CNTN4: variants seen among roughly 807,000 people sequenced by gnomAD.
The protein encoded by CNTN4 is contactin 4, also known as contactin-4.
Under a neutral mutation model 122.5 loss-of-function variants are expected in CNTN4, and 77 were observed. The ratio of observed to expected loss-of-function variants is 0.63; its 90% CI spans 0.52 to 0.76. CNTN4 has a LOEUF of 0.76. CNTN4 is among the 30% of genes least tolerant of loss of function. The pLI, the probability that CNTN4 is intolerant of heterozygous loss-of-function variation, is 0.00. For missense variants in CNTN4, 1,256 were observed against 1,259.1 expected (o/e 1.00, Z 0.04); for synonymous variants, 512 against 447.0 (o/e 1.15, Z -1.83).
At chr3:2,269,039 C>G (rs1377557757) in intron 2 of CNTN4, among the ~76,000 whole-genome samples, 2 of 152,140 alleles carry the variant, frequency 1.3e-5, no homozygotes, top group Non-Finnish European at 2.9e-5. Flanking sequence ...GTCGAAATGT[C>G]TGATGCATTA....
intron 23 of CNTN4, among the ~76,000 whole-genome samples, chr3:3,045,678 A>G (rs1224902793): frequency 6.6e-6 from 1 of 152,206 alleles, no homozygotes; most frequent in South Asian, 2.1e-4. Flanking sequence ...AGATATGGGG[A>G]AAAAATAGAG....
chr3:2,227,517 C>T (rs535362530), intron 2 of CNTN4, among the ~76,000 whole-genome samples: 27 of 152,192 alleles, frequency 1.8e-4, no homozygotes, highest in Admixed American at 1.2e-3. Context: ...TTTACTTATT[C>T]GACTAAATTA....
At position 2,781,419 on chromosome 3, in the gene CNTN4, G is replaced by A. The variant is rs11922339; in HGVS notation, c.358+35722G>A. 3.4e-3 allele frequency among the ~76,000 whole-genome samples: 509 copies of A among 150,750 alleles called. 2 individuals carry two copies. The highest frequency in any genetic ancestry group is 0.011 in the African/African-American group (430 of 40,346). ...TAAGCTGTATGCTAAGGATATATGC[G>A]TGAGTGAGCAATGTCAACGAAGAGT... On this transcript the variant is annotated intron_variant, in intron 6 of 24. Transcript: ENST00000418658.
intron 4 of CNTN4, among the ~76,000 whole-genome samples, chr3:2,607,986 A>C (rs1389190113): frequency 2.0e-5 from 3 of 152,166 alleles, no homozygotes; most frequent in Admixed American, 6.5e-5. Flanking sequence ...TCACATCATA[A>C]AATTCTTTTT....
intron 6 of CNTN4, among the ~76,000 whole-genome samples, chr3:2,753,392 T>C (rs539284643): frequency 6.6e-6 from 1 of 152,372 alleles, no homozygotes; most frequent in Non-Finnish European, 1.5e-5. Flanking sequence ...ATAATGTGAA[T>C]ACTCTATGTT....
rs748741129 is a variant in CNTN4 at position 2,827,918 on chromosome 3, A to G, written c.454+8337A>G. The stretch of plus-strand genomic sequence containing the variant: ...CATATTTTTATATGGCAGCTTAAAA[A>G]AAGCAAAATGTGAGATTTTTAAATG... On this transcript the variant is annotated intron_variant, in intron 7 of 24. Coordinates refer to ENST00000418658, the MANE Select transcript of CNTN4 (RefSeq NM_175607.3). 6.6e-5 allele frequency among the ~76,000 whole-genome samples: 10 copies of G among 152,328 alleles called. No homozygotes were observed. The Middle Eastern group carries it at 0.014, about 207-fold the overall frequency.
chr3:2,850,407 A>G (rs1166001346), intron 7 of CNTN4, among the ~76,000 whole-genome samples: 1 of 152,214 alleles, frequency 6.6e-6, no homozygotes, highest in Non-Finnish European at 1.5e-5. Flanking sequence ...TTAAGAAATG[A>G]CAGTAATGAT....
chr3:2,141,700 C>T (rs2035004216), intron 2 of CNTN4, among the ~76,000 whole-genome samples: 2 of 151,962 alleles, frequency 1.3e-5, no homozygotes, highest in Admixed American at 6.6e-5. Flanking sequence ...CATATAGCTC[C>T]CTGAGTGTCA....
At chr3:2,693,198 C>G (rs954532296) in intron 4 of CNTN4, among the ~76,000 whole-genome samples, 12 of 152,066 alleles carry the variant, frequency 7.9e-5, no homozygotes, top group African/African-American at 2.9e-4. Context: ...TTTCTTTGAG[C>G]TAAAATTTAT....
At chr3:2,996,911 C>T (rs773823692) in intron 14 of CNTN4, among the ~76,000 whole-genome samples, 1 of 152,190 alleles carries the variant, frequency 6.6e-6, no homozygotes, top group Non-Finnish European at 1.5e-5. Flanking sequence ...AACTCATCCT[C>T]AGCATTATTA....
At chr3:2,819,650 C>T in intron 7 of CNTN4, 69 bp downstream of exon 7, 1 of 1,166,748 alleles carries the variant, frequency 8.6e-7, no homozygotes, top group Non-Finnish European at 1.3e-6. Context: ...TGTTCTCCCT[C>T]CTGACACCAG....
At position 2,736,217 on chromosome 3, in the gene CNTN4, G is replaced by A. The variant is rs753984004; in HGVS notation, c.58G>A (p.Asp20Asn). The stretch of plus-strand genomic sequence containing the variant: ...GACATTTTCTCTTCTCATTTCAGAT[G>A]ATTCCACACTGCATGGCCCGATTTT... ...LQSFILCLADDSTLHGPIFIQ... is the reference protein window; with the variant it reads ...LQSFILCLADNSTLHGPIFIQ... Residue 20 changes from aspartate (D) to asparagine (N), a missense_variant and splice_region_variant, in exon 5 of 25, where the codon GAT (aspartate) becomes AAT (asparagine). Transcript: ENST00000418658. The A allele has an allele frequency of 6.2e-6, 10 of 1,613,194 alleles. 1 individual carries two copies. The East Asian group carries it at 2.2e-4, about 36-fold the overall frequency.
intron 4 of CNTN4, among the ~76,000 whole-genome samples, chr3:2,646,080 GTCTA>G (rs2083104555): frequency 6.6e-6 from 1 of 152,102 alleles, no homozygotes; most frequent in African/African-American, 2.4e-5. Flanking sequence ...AACCGATTTT[GTCTA>G]TCTAAGAGTC....
intron 2 of CNTN4, among the ~76,000 whole-genome samples, chr3:2,170,043 C>G (rs141881771): frequency 1.3e-5 from 2 of 151,970 alleles, no homozygotes; most frequent in Non-Finnish European, 2.9e-5. Context: ...TAAGGGAGGC[C>G]GGGCGCGGTG....
At chr3:2,116,134 C>G (rs1231692009) in intron 2 of CNTN4, among the ~76,000 whole-genome samples, 3 of 152,144 alleles carry the variant, frequency 2.0e-5, no homozygotes, top group African/African-American at 4.8e-5. Context: ...CCACTAAAGT[C>G]TTATTCAGCT....
chr3:2,170,177 C>A (rs572229591), intron 2 of CNTN4, among the ~76,000 whole-genome samples: 2 of 139,104 alleles, frequency 1.4e-5, no homozygotes, highest in Non-Finnish European at 1.5e-5. Flanking sequence ...AAAAATTAGC[C>A]GGGCGTGGTG....
intron 3 of CNTN4, among the ~76,000 whole-genome samples, chr3:2,358,327 A>G (rs1457686072): frequency 6.6e-6 from 1 of 152,156 alleles, no homozygotes; most frequent in Non-Finnish European, 1.5e-5. Context: ...GATAATATGG[A>G]TGAAATGACA....
rs140359953 is a variant in CNTN4, at chr3:2,425,752, C to T, written c.-89+86519C>T. Among the ~76,000 whole-genome samples, 1,440 of 152,202 alleles carry T rather than the reference C, an allele frequency of 9.5e-3. 22 individuals are homozygous for T. Among genetic ancestry groups the T allele is most frequent in the African/African-American group, 0.033 (1,353 of 41,530 alleles). On this transcript the variant is annotated intron_variant, in intron 3 of 24. Transcript: ENST00000418658. The stretch of plus-strand genomic sequence containing the variant: ...TCCTCTTTTATTTCATTGAGCAGTG[C>T]TTTGTAGTTCTCCTTGAAGAGCTCC...
At chr3:2,239,585 T>C (rs1435098208) in intron 2 of CNTN4, among the ~76,000 whole-genome samples, 2 of 152,210 alleles carry the variant, frequency 1.3e-5, no homozygotes, top group Non-Finnish European at 2.9e-5. Context: ...TTATTTATAG[T>C]CAGTGAGATG....
Sources: gnomAD v4.1 joint callset for allele counts (sites outside exome capture counted in the v4.1 genomes callset) on GRCh38, gnomAD v4.1.1 for gene constraint, MANE v1.5 for transcripts, NCBI Gene and HGNC (gene_info 2026-07-23, HGNC 2026-07-21) for gene names.